Variants in FAM91A1 observed in about 807,000 individuals in gnomAD.
FAM91A1 encodes protein FAM91A1.
Under a neutral mutation model 113.5 loss-of-function variants are expected in FAM91A1, and 41 were observed. The observed-to-expected ratio is 0.36, with a 90% CI of 0.28 to 0.47. The LOEUF is 0.47. Ranked by LOEUF, FAM91A1 falls within the 20% of genes least tolerant of loss-of-function variation. The probability of loss-of-function intolerance (pLI) is 1.00; values close to 1 mark genes in which losing one functional copy is unlikely to be tolerated. For synonymous variants in FAM91A1, 307 were observed against 347.9 expected (o/e 0.88, Z 1.31); for missense variants, 696 against 1,001.2 (o/e 0.70, Z 4.11).
chr8:123,785,600 G>C lies in FAM91A1; in HGVS notation c.850-29G>C, dbSNP rs114381396. On this transcript the variant is annotated intron_variant, in intron 10 of 23. Coordinates refer to ENST00000334705, the MANE Select transcript of FAM91A1 (RefSeq NM_144963.4). ...TGTGATGTCTAGTTTATTTTAAATG[G>C]TAATTAGTTTCCTTTATATTCCTTT... The C allele has an allele frequency of 1.1e-3, 1,500 of 1,401,242 alleles. 11 individuals carry two copies. The African/African-American group carries it at 0.018, about 17-fold the overall frequency. 86.8% of individuals were successfully genotyped at this position (1,401,242 alleles called of 1,614,324 possible).
intron 21 of FAM91A1, 35 bp from the exon 22 acceptor site, chr8:123,808,858 A>G (rs1376653075): frequency 1.3e-6 from 2 of 1,564,242 alleles, no homozygotes; most frequent in African/African-American, 2.8e-5. Context: ...GTAGATATAT[A>G]TGATAAAAAA....
Position 123,778,660 on chromosome 8 carries a change from A to G in FAM91A1, c.437A>G (p.Lys146Arg), listed in dbSNP as rs755020348. 6.2e-7 allele frequency: 1 copy of G among 1,609,848 alleles called. No individual in the cohort carries two copies. The highest frequency in any genetic ancestry group is 8.5e-7 in the Non-Finnish European group (1 of 1,178,384). The change falls in exon 6 of 24, where the codon AAA becomes AGA. Residue 146 changes from lysine (K) to arginine (R), a missense_variant and splice_region_variant. Transcript: ENST00000334705. ...TCTCAAATGTTTGTACCATTGCAGA[A>G]ATTCTTCAGAAGGAAAACAGCCCGT... is the stretch of plus-strand genomic sequence containing the variant. ...DLMNQCRSSKKFFRRKTARDL... is the reference protein window; with the variant it reads ...DLMNQCRSSKRFFRRKTARDL...
chr8:123,793,842 A>G (rs1025117499), intron 15 of FAM91A1, among the ~76,000 whole-genome samples: 3 of 152,160 alleles, frequency 2.0e-5, no homozygotes, highest in Non-Finnish European at 4.4e-5. Flanking sequence ...TTGAAGGAGG[A>G]TATAGCTACC....
intron 1 of FAM91A1, among the ~76,000 whole-genome samples, chr8:123,772,421 A>C (rs879522666): frequency 6.6e-6 from 1 of 152,232 alleles, no homozygotes; most frequent in Non-Finnish European, 1.5e-5. Flanking sequence ...TGAATCCTCT[A>C]AATATTGTCA....
At chr8:123,782,845 C>G (rs1815157212) in intron 8 of FAM91A1, among the ~76,000 whole-genome samples, 1 of 152,102 alleles carries the variant, frequency 6.6e-6, no homozygotes, top group African/African-American at 2.4e-5. Context: ...TTTCTAATCT[C>G]ATAGTGCCTT....
intron 13 of FAM91A1, 78 bp from the exon 14 acceptor site, chr8:123,787,586 G>C: frequency 8.2e-7 from 1 of 1,217,482 alleles, no homozygotes; most frequent in Non-Finnish European, 1.1e-6. Context: ...TATTTGAAAG[G>C]ATAATATAAA....
chr8:123,805,328 A>C lies in FAM91A1; in HGVS notation c.1871A>C (p.Glu624Ala). ...VHVPFPFDET[E>A]LQGEFTRVNM... ...GTCCCATTTCCATTTGATGAAACAG[A>C]ACTACAAGGAGGTACCTTTTGAATT... is the stretch of plus-strand genomic sequence containing the variant. The change falls in exon 19 of 24, where the codon GAA (glutamate) becomes GCA (alanine). Residue 624 changes from glutamate (E) to alanine (A), a missense_variant. By Grantham distance (107) the Glu-to-Ala change is moderately radical. Transcript: ENST00000334705. 1 of 1,611,696 alleles carries C rather than the reference A, an allele frequency of 6.2e-7. No homozygotes were observed. Among genetic ancestry groups the C allele is most frequent in the Non-Finnish European group, 8.5e-7 (1 of 1,179,058 alleles).
chr8:123,770,205 C>A (rs1244042465), intron 1 of FAM91A1, among the ~76,000 whole-genome samples: 62 of 152,178 alleles, frequency 4.1e-4, no homozygotes, highest in Non-Finnish European at 1.8e-4. Flanking sequence ...CCCGTCTCGG[C>A]CTTCCAAAGT....
intron 5 of FAM91A1, 56 bp from the exon 6 acceptor site, chr8:123,778,603 A>G: frequency 1.7e-6 from 2 of 1,190,162 alleles, no homozygotes; most frequent in Non-Finnish European, 2.5e-6. Flanking sequence ...ATGATTGATG[A>G]AAGAAGAAAG....
chr8:123,780,921 C>T (rs1295209303), intron 8 of FAM91A1, among the ~76,000 whole-genome samples: 1 of 152,042 alleles, frequency 6.6e-6, no homozygotes, highest in Non-Finnish European at 1.5e-5. Flanking sequence ...TTTCATGTTA[C>T]TGTAGTCTTT....
chr8:123,812,481 GTGT>G (rs1424055761), intron 23 of FAM91A1, 35 bp from the exon 24 acceptor site: 1 of 1,525,670 alleles, frequency 6.6e-7, no homozygotes, highest in Non-Finnish European at 8.8e-7. Context: ...TTTTGGTAAA[GTGT>G]TGAATATCAT....
chr8:123,785,530 G>A, intron 10 of FAM91A1, 99 bp from the exon 11 acceptor site: 1 of 793,180 alleles, frequency 1.3e-6, no homozygotes. Flanking sequence ...GAAAATGTTT[G>A]AGAATCACTA....
chr8:123,775,053 C>T, intron 2 of FAM91A1, 94 bp from the exon 3 acceptor site: 2 of 1,195,154 alleles, frequency 1.7e-6, no homozygotes, highest in Non-Finnish European at 2.2e-6. Context: ...ACATACTTTT[C>T]TTTTAAATTA....
chr8:123,790,533 AC>A (rs1482081096), intron 15 of FAM91A1, among the ~76,000 whole-genome samples: 1 of 152,214 alleles, frequency 6.6e-6, no homozygotes, highest in East Asian at 1.9e-4. Context: ...TACCACTATA[AC>A]GTTTAATTTT....
intron 18 of FAM91A1, among the ~76,000 whole-genome samples, chr8:123,801,570 C>T (rs1012884089): frequency 3.3e-5 from 5 of 152,174 alleles, no homozygotes; most frequent in African/African-American, 1.2e-4. Flanking sequence ...CCCTCATCTT[C>T]AAGGAATTTA....
At chr8:123,778,252 G>A (rs1256576901) in intron 5 of FAM91A1, among the ~76,000 whole-genome samples, 160 bp downstream of exon 5, 1 of 152,052 alleles carries the variant, frequency 6.6e-6, no homozygotes, top group Non-Finnish European at 1.5e-5. Flanking sequence ...CTAGGTTATA[G>A]CATAAATGAT....
intron 15 of FAM91A1, among the ~76,000 whole-genome samples, chr8:123,796,009 G>A (rs529803009): frequency 8.5e-5 from 13 of 152,306 alleles, no homozygotes; most frequent in Admixed American, 8.5e-4. Flanking sequence ...CTGAAGTCAG[G>A]AAGTACCTTG....
At chr8:123,811,522 T>C (rs980885416) in intron 23 of FAM91A1, 3 of 152,238 alleles carry the variant, frequency 2.0e-5, no homozygotes, top group Admixed American at 6.5e-5. Flanking sequence ...TGGGATATAT[T>C]TTGGAGATAG....
At position 123,775,297 on chromosome 8, in the gene FAM91A1, AG is replaced by A; in HGVS notation, c.309+1del. The A allele has an allele frequency of 6.2e-7, 1 of 1,613,162 alleles. No homozygotes were observed. Among genetic ancestry groups the A allele is most frequent in the Non-Finnish European group, 8.5e-7 (1 of 1,179,542 alleles). ...TTTTCATATTATACTGGGATTATGG[AG>A]GTGAGTTTACAGTGTGGGTGAGCCA... is the stretch of plus-strand genomic sequence containing the variant. ...TPFSYYTGIM[E>X]DIMNSEKSYD... On this transcript the variant is annotated frameshift_variant and splice_region_variant, in exon 3 of 24. Transcript: ENST00000334705. LOFTEE classifies it high-confidence loss of function.
Sources: allele counts gnomAD v4.1 joint callset (sites outside exome capture counted in the v4.1 genomes callset), GRCh38; gene constraint gnomAD v4.1.1; transcripts MANE v1.5; gene names NCBI Gene and HGNC (gene_info 2026-07-23, HGNC 2026-07-21).